GRB2: variants seen among roughly 807,000 people sequenced by gnomAD.
The protein encoded by GRB2 is growth factor receptor-bound protein 2.
A neutral mutation model predicts 27.4 loss-of-function variants in GRB2; 2 were observed. That is an observed-to-expected ratio of 0.07 (90% CI 0.03 to 0.23). The LOEUF is 0.23. GRB2 is among the 10% of genes least tolerant of loss of function. The probability of loss-of-function intolerance (pLI) is 1.00; values close to 1 mark genes in which losing one functional copy is unlikely to be tolerated. For missense variants in GRB2, 102 were observed against 282.4 expected, an observed-to-expected ratio of 0.36 and a Z score of 4.58; for synonymous variants, 94 against 99.6, an observed-to-expected ratio of 0.94 and a Z score of 0.33.
chr17:75,346,162 A>T (rs77058155), intron 2 of GRB2, among the ~76,000 whole-genome samples: 1 of 134,226 alleles, frequency 7.5e-6, no homozygotes, highest in Non-Finnish European at 1.6e-5. Flanking sequence ...TCGGCCACTG[A>T]TTTTTTTTTT....
intron 2 of GRB2, among the ~76,000 whole-genome samples, chr17:75,369,340 T>C (rs931601318): frequency 1.2e-4 from 18 of 151,930 alleles, no homozygotes; most frequent in African/African-American, 4.4e-4. Flanking sequence ...GGAACAGGAG[T>C]AGCAGCACAA....
At chr17:75,330,228 A>G (rs2078529969) in intron 3 of GRB2, among the ~76,000 whole-genome samples, 1 of 152,000 alleles carries the variant, frequency 6.6e-6, no homozygotes, top group African/African-American at 2.4e-5. Flanking sequence ...CTAAAAATAC[A>G]AAAATTAGCC....
intron 2 of GRB2, among the ~76,000 whole-genome samples, chr17:75,339,778 C>A (rs893380050): frequency 6.6e-6 from 1 of 152,094 alleles, no homozygotes; most frequent in Non-Finnish European, 1.5e-5. Flanking sequence ...AGGCGTCTGC[C>A]ACCACACCTG....
intron 2 of GRB2, among the ~76,000 whole-genome samples, chr17:75,356,125 C>T (rs1051555448): frequency 5.3e-5 from 8 of 151,956 alleles, no homozygotes; most frequent in Non-Finnish European, 1.2e-4. Flanking sequence ...TGAGCCACCG[C>T]ACCTGGCCCT....
chr17:75,349,640 C>A (rs902771363), intron 2 of GRB2, among the ~76,000 whole-genome samples: 14 of 151,770 alleles, frequency 9.2e-5, no homozygotes, highest in African/African-American at 3.1e-4. Flanking sequence ...CTGCATCAGC[C>A]TCCCAAGTAG....
chr17:75,365,712 C>A (rs1260159688), intron 2 of GRB2, among the ~76,000 whole-genome samples: 2 of 151,950 alleles, frequency 1.3e-5, no homozygotes, highest in Admixed American at 6.6e-5. Context: ...AGAAAAAAAA[C>A]CGCCAGTACA....
At position 75,325,954 on chromosome 17, in the gene GRB2, C is replaced by G. The variant is rs1261371881; in HGVS notation, c.243G>C (p.Gly81=). The G allele has an allele frequency of 6.2e-7, 1 of 1,613,864 alleles. No homozygotes were observed. Among genetic ancestry groups the G allele is most frequent in the East Asian group, 2.2e-5 (1 of 44,888 alleles). Residue 81 remains glycine, a synonymous_variant, in exon 4 of 6, where the codon GGG becomes GGC. Transcript: ENST00000316804. The part of the protein sequence containing the change: ...EEMLSKQRHD[G]AFLIRESESA... The stretch of plus-strand genomic sequence containing the variant: ...TCTCACTCTCTCGGATAAGAAAGGC[C>G]CCATCGTGCCGCTGTTTGCTAAGCA...
In GRB2 at chr17:75,393,719, C is replaced by T. The variant is rs1318440524; in HGVS notation, c.-91G>A. On this transcript the variant is annotated 5_prime_UTR_variant, in exon 2 of 6. Transcript: ENST00000316804. ...CCCAGCGCTCTGGGCTTAGCCTCGCCTCTCTTCTGGGACTCGCTCCGGCAC... is the reference window on the plus strand; with the variant it reads ...CCCAGCGCTCTGGGCTTAGCCTCGCTTCTCTTCTGGGACTCGCTCCGGCAC... 3.3e-5 allele frequency: 33 copies of T among 987,476 alleles called. No individual in the cohort carries two copies. Among genetic ancestry groups the T allele is most frequent in the Non-Finnish European group, 1.6e-6 (1 of 625,294 alleles). The allele number at this position is 987,476 out of a possible 1,614,324, so 61.2% of individuals were successfully genotyped here.
intron 2 of GRB2, among the ~76,000 whole-genome samples, chr17:75,385,029 C>CAAAA (rs58860615): frequency 2.5e-4 from 14 of 55,320 alleles, no homozygotes; most frequent in African/African-American, 1.1e-3. Flanking sequence ...CTGGCTCTAC[C>CAAAA]AAAAAAAAAA....
chr17:75,383,840 A>ATTTTTC (rs2078945526), intron 2 of GRB2, among the ~76,000 whole-genome samples: 1 of 152,122 alleles, frequency 6.6e-6, no homozygotes, highest in Non-Finnish European at 1.5e-5. Context: ...TGACAGAGCG[A>ATTTTTC]GACTCCTTCC....
intron 2 of GRB2, among the ~76,000 whole-genome samples, chr17:75,387,074 T>C (rs945765959): frequency 6.6e-5 from 10 of 150,966 alleles, no homozygotes; most frequent in Non-Finnish European, 4.4e-5. Context: ...GGTAGGAGAA[T>C]GGCATGAACC....
chr17:75,373,323 C>CTA (rs923064386), intron 2 of GRB2: 3 of 152,320 alleles, frequency 2.0e-5, no homozygotes, highest in African/African-American at 7.2e-5. Context: ...AGGTACTTAT[C>CTA]TATAGCCTTT....
At chr17:75,335,438 T>C (rs1008987516) in intron 2 of GRB2, among the ~76,000 whole-genome samples, 4 of 152,184 alleles carry the variant, frequency 2.6e-5, no homozygotes, top group African/African-American at 9.7e-5. Context: ...AGAAGCTGGA[T>C]TGCTCTAAAG....
At chr17:75,327,109 C>A (rs919106535) in intron 3 of GRB2, among the ~76,000 whole-genome samples, 1 of 150,020 alleles carries the variant, frequency 6.7e-6, no homozygotes, top group Non-Finnish European at 1.5e-5. Context: ...GCTCTGTCAC[C>A]CAGGCTGGAG....
chr17:75,382,408 G>A (rs926681217), intron 2 of GRB2, among the ~76,000 whole-genome samples: 11 of 152,124 alleles, frequency 7.2e-5, no homozygotes, highest in African/African-American at 2.7e-4. Flanking sequence ...CTGAATAAGC[G>A]ACCAGAGGCA....
At chr17:75,404,133 T>C (rs1248986003) in intron 1 of GRB2, among the ~76,000 whole-genome samples, 1 of 149,280 alleles carries the variant, frequency 6.7e-6, no homozygotes, top group African/African-American at 2.5e-5. Flanking sequence ...GTCACTGAGC[T>C]GACCCAATCT....
chr17:75,394,641 A>C (rs555718425), intron 1 of GRB2, among the ~76,000 whole-genome samples: 1 of 152,176 alleles, frequency 6.6e-6, no homozygotes, highest in Non-Finnish European at 1.5e-5. Context: ...CCTAATCTAC[A>C]CTTGAAAGGA....
intron 2 of GRB2, among the ~76,000 whole-genome samples, chr17:75,366,216 T>C (rs2078818316): frequency 6.6e-6 from 1 of 152,158 alleles, no homozygotes; most frequent in African/African-American, 2.4e-5. Flanking sequence ...TCAAATCTTA[T>C]CTGATCTCTA....
At chr17:75,381,112 G>A (rs2078924919) in intron 2 of GRB2, among the ~76,000 whole-genome samples, 1 of 152,070 alleles carries the variant, frequency 6.6e-6, no homozygotes, top group Admixed American at 6.6e-5. Context: ...CAGCAATAGG[G>A]AAATAATTAA....
Sources: gnomAD v4.1 joint callset for allele counts (sites outside exome capture counted in the v4.1 genomes callset) on GRCh38, gnomAD v4.1.1 for gene constraint, MANE v1.5 for transcripts, NCBI Gene and HGNC (gene_info 2026-07-23, HGNC 2026-07-21) for gene names.